FGD4: variants seen among roughly 807,000 people sequenced by gnomAD.
FGD4 encodes the protein FYVE, RhoGEF and PH domain-containing protein 4.
FGD4 carries 42 observed loss-of-function variants against 102.0 expected under a neutral mutation model. The observed-to-expected ratio is 0.41, with a 90% CI of 0.32 to 0.53. FGD4 has a LOEUF of 0.53. Ranked by LOEUF, FGD4 falls within the 20% of genes least tolerant of loss-of-function variation. The probability of loss-of-function intolerance (pLI) is 0.21; values close to 1 mark genes in which losing one functional copy is unlikely to be tolerated. For missense variants in FGD4, 902 were observed against 1,078.2 expected (o/e 0.84, Z 2.29); for synonymous variants, 380 against 375.7 (o/e 1.01, Z -0.13).
chr12:32,447,419 T>C (rs1330824376), intron 1 of FGD4, among the ~76,000 whole-genome samples: 1 of 152,246 alleles, frequency 6.6e-6, no homozygotes, highest in African/African-American at 2.4e-5. Flanking sequence ...GTGTGGTTGG[T>C]TGACTCAAAT....
chr12:32,455,361 A>G (rs1942920957), intron 1 of FGD4, among the ~76,000 whole-genome samples: 1 of 152,172 alleles, frequency 6.6e-6, no homozygotes, highest in Admixed American at 6.5e-5. Context: ...CATGAAGTAT[A>G]GTAGTATATT....
At chr12:32,400,035 A>T in intron 1 of FGD4, 76 bp downstream of exon 1, 1 of 1,398,604 alleles carries the variant, frequency 7.1e-7, no homozygotes, top group East Asian at 2.9e-5. Context: ...AGCGCCCTGC[A>T]GGTGCGCCCT....
chr12:32,478,695 T>C (rs1943646300), intron 1 of FGD4, among the ~76,000 whole-genome samples: 1 of 152,266 alleles, frequency 6.6e-6, no homozygotes, highest in South Asian at 2.1e-4. Context: ...GCAAGTGTGA[T>C]TGACTTTGTG....
chr12:32,631,474 G>T (rs1465409043), intron 14 of FGD4, among the ~76,000 whole-genome samples: 1 of 146,960 alleles, frequency 6.8e-6, no homozygotes, highest in Non-Finnish European at 1.5e-5. Context: ...CAGTACTTTT[G>T]TGATTAAAAT....
At chr12:32,507,060 C>T (rs1389118936) in intron 1 of FGD4, among the ~76,000 whole-genome samples, 3 of 148,716 alleles carry the variant, frequency 2.0e-5, no homozygotes, top group Admixed American at 6.7e-5. Context: ...GGTATATCTC[C>T]TAAAGCTATC....
chr12:32,554,308 T>C (rs554881387), intron 1 of FGD4, among the ~76,000 whole-genome samples: 4 of 152,364 alleles, frequency 2.6e-5, no homozygotes, highest in Admixed American at 2.6e-4. Flanking sequence ...AGAATAACTT[T>C]GAATGTTTTG....
intron 1 of FGD4, among the ~76,000 whole-genome samples, chr12:32,531,729 A>T (rs1941838534): frequency 1.3e-5 from 2 of 152,212 alleles, no homozygotes; most frequent in Admixed American, 1.3e-4. Context: ...AGGCTCTGTA[A>T]ACATTTTTTG....
intron 3 of FGD4, among the ~76,000 whole-genome samples, chr12:32,577,940 A>G (rs1265063327): frequency 6.6e-6 from 1 of 152,132 alleles, no homozygotes; most frequent in East Asian, 1.9e-4. Context: ...GGAAAGGGTC[A>G]GTATTCCAAA....
At chr12:32,498,548 T>C (rs1293419286) in intron 1 of FGD4, among the ~76,000 whole-genome samples, 2 of 152,292 alleles carry the variant, frequency 1.3e-5, no homozygotes, top group East Asian at 1.9e-4. Context: ...TAATTATTTG[T>C]TATATTCTCA....
At chr12:32,457,019 A>G (rs571544860) in intron 1 of FGD4, among the ~76,000 whole-genome samples, 1 of 152,232 alleles carries the variant, frequency 6.6e-6, no homozygotes, top group Non-Finnish European at 1.5e-5. Flanking sequence ...GAGAACAGGA[A>G]CTGGTGTATC....
At position 32,638,762 on chromosome 12, in the gene FGD4, C is replaced by T. The variant is rs779342768; in HGVS notation, c.2421C>T (p.Asp807=). ...QKAWCVIPKQ[D]PLVLYMYGAP... The stretch of plus-strand genomic sequence containing the variant: ...CTTGGTGTGTGATCCCCAAGCAAGA[C>T]CCTCTTGTGCTGTACATGTATGGTG... The change falls in exon 16 of 17, where the codon GAC becomes GAT. Residue 807 remains aspartate (D), a synonymous_variant. Transcript: ENST00000534526. 6.2e-7 allele frequency: 1 copy of T among 1,614,164 alleles called. No individual in the cohort carries two copies. The highest frequency in any genetic ancestry group is 8.5e-7 in the Non-Finnish European group (1 of 1,180,020).
At chr12:32,465,759 A>AGTGT (rs373471082) in intron 1 of FGD4, among the ~76,000 whole-genome samples, 5,688 of 151,384 alleles carry the variant, frequency 0.038, 157 homozygotes, top group Middle Eastern at 0.12. Flanking sequence ...TTAGCAACAA[A>AGTGT]GTGTGTGTGT....
chr12:32,587,390 T>G (rs1373675333), intron 4 of FGD4, among the ~76,000 whole-genome samples: 1 of 151,734 alleles, frequency 6.6e-6, no homozygotes, highest in African/African-American at 2.4e-5. Flanking sequence ...ATTTATTTAT[T>G]TATTTATTTT....
intron 1 of FGD4, among the ~76,000 whole-genome samples, chr12:32,473,526 C>T (rs143370833): frequency 0.19 from 28,130 of 151,670 alleles, 3,228 homozygotes; most frequent in East Asian, 0.26. Context: ...GAAGAAACTC[C>T]GAACACATCT....
At chr12:32,424,268 G>C (rs1941753270) in intron 1 of FGD4, among the ~76,000 whole-genome samples, 1 of 151,212 alleles carries the variant, frequency 6.6e-6, no homozygotes, top group South Asian at 2.1e-4. Flanking sequence ...CCCTCCCTGT[G>C]TCCATGTGTT....
intron 11 of FGD4, among the ~76,000 whole-genome samples, chr12:32,620,432 CTCT>C (rs1208558496): frequency 6.6e-6 from 1 of 151,668 alleles, no homozygotes; most frequent in Non-Finnish European, 1.5e-5. Flanking sequence ...GAAGGTATGG[CTCT>C]TCTTATATTT....
At chr12:32,485,680 G>T (rs1237127599) in intron 1 of FGD4, among the ~76,000 whole-genome samples, 1 of 151,740 alleles carries the variant, frequency 6.6e-6, no homozygotes, top group East Asian at 1.9e-4. Context: ...TCTTGACCTC[G>T]TGACCCACCC....
chr12:32,423,482 C>T (rs1941721124), intron 1 of FGD4, among the ~76,000 whole-genome samples: 2 of 150,598 alleles, frequency 1.3e-5, no homozygotes, highest in Admixed American at 1.3e-4. Context: ...ATCCCAGCTA[C>T]TTGGGAGGCC....
chr12:32,429,403 C>T (rs760974388), intron 1 of FGD4, among the ~76,000 whole-genome samples: 3 of 152,198 alleles, frequency 2.0e-5, no homozygotes, highest in Non-Finnish European at 2.9e-5. Flanking sequence ...CTGGAAGCTT[C>T]GTCCCAGAGG....
Sources: allele counts gnomAD v4.1 joint callset (sites outside exome capture counted in the v4.1 genomes callset), GRCh38; gene constraint gnomAD v4.1.1; transcripts MANE v1.5; gene names NCBI Gene and HGNC (gene_info 2026-07-23, HGNC 2026-07-21).